ARG2: variants seen among roughly 807,000 people sequenced by gnomAD.
ARG2 encodes arginase 2, also known as arginase-2, mitochondrial.
ARG2 carries 21 observed loss-of-function variants against 39.4 expected under a neutral mutation model. The ratio of observed to expected loss-of-function variants is 0.53; its 90% confidence interval spans 0.38 to 0.77. ARG2 has a LOEUF of 0.77. Among genes scored for constraint, ARG2 ranks in the 30% least tolerant of loss-of-function variants. The pLI is 0.00. For synonymous variants in ARG2, 150 were observed against 156.7 expected (o/e 0.96, Z 0.32); for missense variants, 378 against 426.2 (o/e 0.89, Z 1.00).
intron 3 of ARG2, among the ~76,000 whole-genome samples, chr14:67,644,933 C>T (rs899185022): frequency 2.0e-5 from 3 of 149,606 alleles, no homozygotes; most frequent in Non-Finnish European, 3.0e-5. Flanking sequence ...AGGAGGCGGA[C>T]GTTGTAGTGA....
rs531380549 is a variant in ARG2 at position 67,635,248 on chromosome 14, A to G, written c.185-6938A>G. Among the ~76,000 whole-genome samples, 163 of 152,320 alleles carry G rather than the reference A, an allele frequency of 1.1e-3. 1 individual carries two copies. Among genetic ancestry groups the G allele is most frequent in the African/African-American group, 3.7e-3 (153 of 41,576 alleles). ...GACAGAGTAAGACCATCTCAAAAAAAAGAGAAAAGGTTCTTAAGGTTGTAC... is the reference window on the plus strand; with the variant it reads ...GACAGAGTAAGACCATCTCAAAAAAGAGAGAAAAGGTTCTTAAGGTTGTAC... On this transcript the variant is annotated intron_variant, in intron 2 of 7. Coordinates refer to ENST00000261783, the MANE Select transcript of ARG2 (RefSeq NM_001172.4).
chr14:67,645,771 T>C lies in ARG2; in HGVS notation c.491T>C (p.Val164Ala), dbSNP rs762909277. 1.2e-6 allele frequency: 2 copies of C among 1,613,970 alleles called. No homozygotes were observed. Among genetic ancestry groups the C allele is most frequent in the East Asian group, 4.5e-5 (2 of 44,872 alleles). ...TCAGGAAATCTCCATGGACAGCCAGTTTCATTTCTCCTCAGAGAACTACAG... is the reference window on the plus strand; with the variant it reads ...TCAGGAAATCTCCATGGACAGCCAGCTTCATTTCTCCTCAGAGAACTACAG... Reference protein sequence around the residue: ...TSSGNLHGQPVSFLLRELQDK... With the variant: ...TSSGNLHGQPASFLLRELQDK... Residue 164 changes from valine (V) to alanine (A), a missense_variant, in exon 4 of 8, where the codon GTT (valine) becomes GCT (alanine). Transcript: ENST00000261783.
intron 2 of ARG2, among the ~76,000 whole-genome samples, chr14:67,638,129 CAAGA>C (rs2036991688): frequency 6.6e-6 from 1 of 152,198 alleles, no homozygotes; most frequent in South Asian, 2.1e-4. Flanking sequence ...GCTAAACAAA[CAAGA>C]AATAAACTTG....
chr14:67,634,616 T>A (rs2140743349), intron 2 of ARG2, among the ~76,000 whole-genome samples: 1 of 150,020 alleles, frequency 6.7e-6, no homozygotes, highest in African/African-American at 2.4e-5. Context: ...AAAAAGCTAG[T>A]AGGTAGTAAT....
chr14:67,620,986 GA>G lies in ARG2; in HGVS notation c.184+21del, dbSNP rs772986265. On this transcript the variant is annotated intron_variant, in intron 2 of 7. Transcript: ENST00000261783. ...GTTTGGGTAAGTGGTTAGATTTTTAGATATTAGTGCAGGACTAGTAATAGAC... is the reference window on the plus strand; with the variant it reads ...GTTTGGGTAAGTGGTTAGATTTTTAGTATTAGTGCAGGACTAGTAATAGAC... 4.3e-6 allele frequency: 7 copies of G among 1,611,052 alleles called. No homozygotes were observed. Among genetic ancestry groups the G allele is most frequent in the Non-Finnish European group, 5.9e-6 (7 of 1,177,350 alleles).
At chr14:67,637,938 G>A (rs2036989589) in intron 2 of ARG2, among the ~76,000 whole-genome samples, 1 of 152,228 alleles carries the variant, frequency 6.6e-6, no homozygotes, top group Non-Finnish European at 1.5e-5. Flanking sequence ...TCAGGCCAGA[G>A]TCTTGAAAAG....
intron 5 of ARG2, 32 bp from the exon 6 acceptor site, chr14:67,646,884 TTAAAC>T (rs749268136): frequency 2.0e-6 from 3 of 1,486,452 alleles, no homozygotes; most frequent in African/African-American, 2.8e-5. Flanking sequence ...AAAATGCTCT[TTAAAC>T]TAAGGACTCC....
Position 67,620,954 on chromosome 14 carries a change from C to T in ARG2, c.172C>T (p.Leu58Phe), listed in dbSNP as rs766850931. ...AAGAGAAGCTGGCTTGATGAAAAGG[C>T]TCTCCAGTTTGGGTAAGTGGTTAGA... is the stretch of plus-strand genomic sequence containing the variant. The part of the protein sequence containing the change: ...AIREAGLMKR[L>F]SSLGCHLKDF... The change falls in exon 2 of 8, where the codon CTC (leucine) becomes TTC (phenylalanine). Residue 58 changes from leucine to phenylalanine, a missense_variant. Transcript: ENST00000261783. 10 of 1,613,970 alleles carry T rather than the reference C, an allele frequency of 6.2e-6. No homozygotes were observed. The highest frequency in any genetic ancestry group is 8.5e-6 in the Non-Finnish European group (10 of 1,179,974).
chr14:67,651,334 A>T lies in ARG2; in HGVS notation c.*414A>T. 1 of 1,611,408 alleles carries T rather than the reference A, an allele frequency of 6.2e-7. No individual in the cohort carries two copies. The highest frequency in any genetic ancestry group is 8.5e-7 in the Non-Finnish European group (1 of 1,178,348). On this transcript the variant is annotated 3_prime_UTR_variant, in exon 8 of 8. Coordinates refer to ENST00000261783, the MANE Select transcript of ARG2 (RefSeq NM_001172.4). ...TTATTCTATCCACATCCCTAACATC[A>T]TGCATTCACAAGGTCAAAGTTCTGG...
At chr14:67,643,134 C>T (rs1299256534) in intron 3 of ARG2, among the ~76,000 whole-genome samples, 1 of 152,154 alleles carries the variant, frequency 6.6e-6, no homozygotes, top group Non-Finnish European at 1.5e-5. Context: ...ACAATATGGA[C>T]CCTAGTGACT....
chr14:67,621,461 T>C (rs557844604), intron 2 of ARG2, among the ~76,000 whole-genome samples: 1 of 152,180 alleles, frequency 6.6e-6, no homozygotes, highest in African/African-American at 2.4e-5. Flanking sequence ...GTTCTTTTTT[T>C]TTTTCTTTTT....
intron 6 of ARG2, chr14:67,647,681 G>C (rs910974024): frequency 1.2e-5 from 2 of 168,988 alleles, no homozygotes; most frequent in African/African-American, 4.8e-5. Flanking sequence ...AATTTAAATT[G>C]TCTAATTAAA....
chr14:67,632,808 ATTTTTT>A lies in ARG2; in HGVS notation c.185-9353_185-9348del, dbSNP rs55642854. On this transcript the variant is annotated intron_variant, in intron 2 of 7. Coordinates refer to ENST00000261783, the MANE Select transcript of ARG2 (RefSeq NM_001172.4). ...TCAACAGGGAGAATTAAGCCTCTTA[ATTTTTT>A]TTTTTTTTTTTTTTTTTTTTTTTTG... is the stretch of plus-strand genomic sequence containing the variant. 1.3e-4 allele frequency among the ~76,000 whole-genome samples: 8 copies of A among 62,414 alleles called. No homozygotes were observed. The East Asian group carries it at 4.3e-3, about 34-fold the overall frequency. 40.9% of individuals were successfully genotyped at this position (62,414 alleles called of 152,430 possible).
At chr14:67,631,015 C>T (rs1162837121) in intron 2 of ARG2, among the ~76,000 whole-genome samples, 1 of 152,156 alleles carries the variant, frequency 6.6e-6, no homozygotes, top group African/African-American at 2.4e-5. Context: ...ATGCTCTAGA[C>T]CCCCTCCCCT....
At chr14:67,629,664 A>G (rs910451964) in intron 2 of ARG2, among the ~76,000 whole-genome samples, 2 of 152,366 alleles carry the variant, frequency 1.3e-5, no homozygotes, top group South Asian at 2.1e-4. Flanking sequence ...CTACAAAGGA[A>G]GAAACTGTAC....
chr14:67,627,259 A>ATG (rs1315235031), intron 2 of ARG2, among the ~76,000 whole-genome samples: 2 of 103,758 alleles, frequency 1.9e-5, no homozygotes, highest in Non-Finnish European at 2.0e-5. Flanking sequence ...GTAAGGAGAT[A>ATG]TATATATATA....
chr14:67,644,861 G>T (rs2037076338), intron 3 of ARG2, among the ~76,000 whole-genome samples: 1 of 152,090 alleles, frequency 6.6e-6, no homozygotes, highest in South Asian at 2.1e-4. Flanking sequence ...AGCCAGGCAT[G>T]GTGGCATGTG....
chr14:67,651,468 T>G lies in ARG2; in HGVS notation c.*548T>G. Reference sequence around the variant, plus strand: ...AAGATGATAATGGAAAGCAGCAGCTTGTTGGTTGTCACTCTACAAAGAGAA... The same window carrying G: ...AAGATGATAATGGAAAGCAGCAGCTGGTTGGTTGTCACTCTACAAAGAGAA... On this transcript the variant is annotated 3_prime_UTR_variant, in exon 8 of 8. Coordinates refer to ENST00000261783, the MANE Select transcript of ARG2 (RefSeq NM_001172.4). The G allele has an allele frequency of 6.2e-7, 1 of 1,613,850 alleles. No individual in the cohort carries two copies. Among genetic ancestry groups the G allele is most frequent in the Non-Finnish European group, 8.5e-7 (1 of 1,179,776 alleles).
intron 2 of ARG2, among the ~76,000 whole-genome samples, chr14:67,634,938 A>G (rs923923415): frequency 3.9e-5 from 6 of 152,190 alleles, no homozygotes; most frequent in Admixed American, 1.3e-4. Context: ...ACTGGGACAG[A>G]TATCTCAAGA....
Sources: allele counts gnomAD v4.1 joint callset (sites outside exome capture counted in the v4.1 genomes callset), GRCh38; gene constraint gnomAD v4.1.1; transcripts MANE v1.5; gene names NCBI Gene and HGNC (gene_info 2026-07-23, HGNC 2026-07-21).